NAALADL2: variants seen among roughly 807,000 people sequenced by gnomAD.
NAALADL2 encodes the protein N-acetylated alpha-linked acidic dipeptidase like 2.
In NAALADL2, 76 loss-of-function variants were observed where a neutral mutation model predicts 87.2. The ratio of observed to expected loss-of-function variants is 0.87; its 90% confidence interval spans 0.72 to 1.05. The LOEUF (loss-of-function observed/expected upper bound fraction) is 1.05, where lower values mean the gene tolerates loss of function less well. Among genes scored for constraint, NAALADL2 ranks in the 50% least tolerant of loss-of-function variants. NAALADL2 has a pLI of 0.00. For missense variants in NAALADL2, 1,089 were observed against 945.8 expected (o/e 1.15, Z -1.99); for synonymous variants, 354 against 331.0 (o/e 1.07, Z -0.75).
intron 1 of NAALADL2, among the ~76,000 whole-genome samples, chr3:174,965,531 A>AT (rs542933501): frequency 3.3e-5 from 5 of 152,102 alleles, no homozygotes; most frequent in South Asian, 2.1e-4. Context: ...TATTGTGAGA[A>AT]TTTTTTTGAT....
intron 3 of NAALADL2, among the ~76,000 whole-genome samples, chr3:175,253,022 T>C (rs891160072): frequency 1.3e-5 from 2 of 152,294 alleles, no homozygotes; most frequent in Non-Finnish European, 1.5e-5. Flanking sequence ...TCTTCTAATA[T>C]AGAAGCCACA....
At chr3:174,884,836 C>T (rs762546908) in intron 1 of NAALADL2, among the ~76,000 whole-genome samples, 4 of 152,072 alleles carry the variant, frequency 2.6e-5, no homozygotes, top group Non-Finnish European at 5.9e-5. Flanking sequence ...ACACTCTCAA[C>T]CTCATCTCTA....
At chr3:174,592,338 A>C (rs1424316016) in intron 2 of NAALADL2, among the ~76,000 whole-genome samples, 5 of 152,076 alleles carry the variant, frequency 3.3e-5, no homozygotes, top group Admixed American at 1.3e-4. Context: ...TGTATGTCTC[A>C]AAAACAGCCA....
chr3:174,760,068 T>G (rs1217460109), intron 3 of NAALADL2, among the ~76,000 whole-genome samples: 1 of 152,222 alleles, frequency 6.6e-6, no homozygotes, highest in Admixed American at 6.5e-5. Context: ...ATTTAATCTT[T>G]CCAGTCTCCT....
chr3:175,223,188 A>G (rs887967840), intron 2 of NAALADL2, among the ~76,000 whole-genome samples: 1 of 151,926 alleles, frequency 6.6e-6, no homozygotes, highest in South Asian at 2.1e-4. Context: ...ATTATTAACC[A>G]TAGTCACGAA....
At chr3:174,752,465 T>G (rs1734927370) in intron 3 of NAALADL2, among the ~76,000 whole-genome samples, 1 of 152,178 alleles carries the variant, frequency 6.6e-6, no homozygotes, top group Non-Finnish European at 1.5e-5. Context: ...TCAAATTTAC[T>G]TGTATATTGT....
upstream of NAALADL2, among the ~76,000 whole-genome samples, chr3:174,858,604 A>G (rs1049093504): frequency 6.6e-6 from 1 of 152,086 alleles, no homozygotes; most frequent in African/African-American, 2.4e-5. Flanking sequence ...AACTGATGTC[A>G]GTACATGATC....
At chr3:174,983,176 T>C (rs1745359786) in intron 1 of NAALADL2, among the ~76,000 whole-genome samples, 1 of 152,154 alleles carries the variant, frequency 6.6e-6, no homozygotes, top group Admixed American at 6.5e-5. Context: ...TTACAAAGTT[T>C]GGTCAGGAAG....
chr3:175,007,373 T>A (rs1354836249), intron 1 of NAALADL2, among the ~76,000 whole-genome samples: 1 of 152,108 alleles, frequency 6.6e-6, no homozygotes, highest in African/African-American at 2.4e-5. Flanking sequence ...GAGGCTGACT[T>A]AGGTAGAAAA....
intron 1 of NAALADL2, among the ~76,000 whole-genome samples, chr3:174,443,802 GGA>G (rs1714846816): frequency 2.1e-5 from 3 of 144,748 alleles, no homozygotes; most frequent in Non-Finnish European, 4.8e-5. Flanking sequence ...AGGAGAATAT[GGA>G]ATCCTGGAAG....
At chr3:174,624,106 A>C (rs1275153569) in intron 2 of NAALADL2, among the ~76,000 whole-genome samples, 3 of 152,174 alleles carry the variant, frequency 2.0e-5, no homozygotes, top group Non-Finnish European at 4.4e-5. Flanking sequence ...TTTGCTTAAA[A>C]TTTTACAATT....
At chr3:175,006,309 CT>C (rs1749011574) in intron 1 of NAALADL2, among the ~76,000 whole-genome samples, 1 of 152,254 alleles carries the variant, frequency 6.6e-6, no homozygotes, top group Non-Finnish European at 1.5e-5. Flanking sequence ...TTGTTATTCC[CT>C]TTCTTTGTAA....
At chr3:174,747,818 T>C (rs1734414374) in intron 3 of NAALADL2, among the ~76,000 whole-genome samples, 1 of 151,938 alleles carries the variant, frequency 6.6e-6, no homozygotes, top group Non-Finnish European at 1.5e-5. Context: ...GGGTATATAA[T>C]CAAAAGAATA....
intron 2 of NAALADL2, among the ~76,000 whole-genome samples, chr3:174,636,811 A>C (rs1207780588): frequency 2.0e-5 from 3 of 152,164 alleles, no homozygotes; most frequent in Non-Finnish European, 2.9e-5. Flanking sequence ...CAGAAATCCT[A>C]CTACTAGGTA....
chr3:175,139,854 C>T (rs1341761876), intron 2 of NAALADL2, among the ~76,000 whole-genome samples: 1 of 152,096 alleles, frequency 6.6e-6, no homozygotes, highest in Non-Finnish European at 1.5e-5. Context: ...ACACGCAACT[C>T]TAACAAAGGG....
In NAALADL2 at chr3:175,465,473, C is replaced by CTTTTTTT. The variant is rs71164634; in HGVS notation, c.1328-1493_1328-1487dup. Among the ~76,000 whole-genome samples the CTTTTTTT allele has an allele frequency of 1.4e-4, 15 of 106,738 alleles. 1 individual carries two copies. Among genetic ancestry groups the CTTTTTTT allele is most frequent in the East Asian group, 9.8e-4 (3 of 3,052 alleles). The allele number at this position is 106,738 out of a possible 152,430, so 70.0% of individuals were successfully genotyped here. A position where few individuals can be genotyped will look rare whatever the true frequency, so the allele number is the denominator to read the frequency against. ...ACACTATGTATACCATGAATTAAATCTTTTTTTTTTTTTTTTTTTGAGATG... is the reference window on the plus strand; with the variant it reads ...ACACTATGTATACCATGAATTAAATCTTTTTTTTTTTTTTTTTTTTTTTTTTGAGATG... On this transcript the variant is annotated intron_variant, in intron 7 of 13. Transcript: ENST00000454872.
intron 5 of NAALADL2, among the ~76,000 whole-genome samples, chr3:175,407,766 T>C (rs944687810): frequency 6.6e-6 from 1 of 152,122 alleles, no homozygotes. Flanking sequence ...GGTAAATCGG[T>C]TTGTTTTATT....
chr3:174,892,482 C>A (rs181506803), intron 1 of NAALADL2, among the ~76,000 whole-genome samples: 1 of 151,946 alleles, frequency 6.6e-6, no homozygotes, highest in East Asian at 1.9e-4. Context: ...TACATCTGTA[C>A]GATCTAGAAA....
At chr3:175,685,311 A>G (rs923499142) in intron 11 of NAALADL2, among the ~76,000 whole-genome samples, 1 of 152,104 alleles carries the variant, frequency 6.6e-6, no homozygotes, top group Non-Finnish European at 1.5e-5. Context: ...CAGAATCTCC[A>G]ATTTTGTGCT....
Sources: gnomAD v4.1 joint callset for allele counts (sites outside exome capture counted in the v4.1 genomes callset) on GRCh38, gnomAD v4.1.1 for gene constraint, MANE v1.5 for transcripts, NCBI Gene and HGNC (gene_info 2026-07-23, HGNC 2026-07-21) for gene names.